Variants in MBNL1 observed in about 807,000 individuals in gnomAD.
MBNL1 encodes the protein muscleblind like splicing regulator 1.
A neutral mutation model predicts 42.2 loss-of-function variants in MBNL1; 8 were observed. The ratio of observed to expected loss-of-function variants is 0.19; its 90% CI spans 0.11 to 0.34. The LOEUF (loss-of-function observed/expected upper bound fraction) is 0.34, where lower values mean the gene tolerates loss of function less well. MBNL1 is among the 10% of genes least tolerant of loss of function. The pLI is 1.00. For missense variants in MBNL1, 309 were observed against 495.3 expected (o/e 0.62, Z 3.57); for synonymous variants, 169 against 173.9 (o/e 0.97, Z 0.22).
intron 2 of MBNL1, among the ~76,000 whole-genome samples, chr3:152,359,188 G>A (rs1343591946): frequency 1.3e-5 from 2 of 152,162 alleles, no homozygotes; most frequent in Non-Finnish European, 2.9e-5. Flanking sequence ...GTCACTAGCA[G>A]AAGAAACTAT....
chr3:152,256,236 GT>G (rs2035431108), intron 2 of MBNL1, among the ~76,000 whole-genome samples: 1 of 152,164 alleles, frequency 6.6e-6, no homozygotes. Flanking sequence ...CTGGATAAAA[GT>G]GAAAGGGGCT....
intron 2 of MBNL1, chr3:152,300,772 G>C: frequency 1.1e-5 from 2 of 178,876 alleles, no homozygotes; most frequent in Non-Finnish European, 2.2e-5. Context: ...TTGTACAGTT[G>C]CAAAAGAGAA....
At chr3:152,408,806 G>A (rs539013671) in intron 2 of MBNL1, among the ~76,000 whole-genome samples, 1 of 152,152 alleles carries the variant, frequency 6.6e-6, no homozygotes, top group South Asian at 2.1e-4. Flanking sequence ...AGACATTTTG[G>A]TTTATCAGAA....
At chr3:152,397,105 G>T (rs1331946549) in intron 2 of MBNL1, among the ~76,000 whole-genome samples, 1 of 152,086 alleles carries the variant, frequency 6.6e-6, no homozygotes, top group Admixed American at 6.6e-5. Context: ...CTGCCAAAAT[G>T]GATTGTCTAA....
intron 2 of MBNL1, among the ~76,000 whole-genome samples, chr3:152,376,643 A>G (rs2096913306): frequency 6.6e-6 from 1 of 152,200 alleles, no homozygotes; most frequent in African/African-American, 2.4e-5. Flanking sequence ...AGGAATCTAA[A>G]GAACATTTTT....
intron 6 of MBNL1, among the ~76,000 whole-genome samples, chr3:152,451,244 G>C (rs1432153796): frequency 6.6e-6 from 1 of 152,166 alleles, no homozygotes; most frequent in Non-Finnish European, 1.5e-5. Context: ...GTATAGAGTA[G>C]TTTGCTGGCA....
chr3:152,256,943 G>A (rs1464879052), intron 2 of MBNL1, among the ~76,000 whole-genome samples: 1 of 152,170 alleles, frequency 6.6e-6, no homozygotes, highest in Non-Finnish European at 1.5e-5. Context: ...ATGTGTTGTT[G>A]TAGGAGCCAG....
chr3:152,290,866 TGTTA>T (rs1469989825), intron 1 of MBNL1, among the ~76,000 whole-genome samples: 2 of 152,184 alleles, frequency 1.3e-5, no homozygotes, highest in African/African-American at 2.4e-5. Flanking sequence ...ATTTTTGTTG[TGTTA>T]GTTCTACATT....
At chr3:152,427,570 A>G (rs1056372780) in intron 3 of MBNL1, among the ~76,000 whole-genome samples, 1 of 152,096 alleles carries the variant, frequency 6.6e-6, no homozygotes, top group Admixed American at 6.5e-5. Flanking sequence ...TCTTAGAAAA[A>G]AAGAACTTTA....
intron 2 of MBNL1, among the ~76,000 whole-genome samples, chr3:152,355,086 A>T (rs2095413310): frequency 6.6e-6 from 1 of 152,052 alleles, no homozygotes; most frequent in African/African-American, 2.4e-5. Flanking sequence ...TGCTCAATAC[A>T]TTGAGTGAAG....
chr3:152,352,579 T>C (rs2095132423), intron 2 of MBNL1, among the ~76,000 whole-genome samples: 1 of 152,190 alleles, frequency 6.6e-6, no homozygotes, highest in Admixed American at 6.5e-5. Context: ...CCTGGTTTTT[T>C]TTTGCTGTTG....
chr3:152,360,036 AGTAT>A (rs901538329), intron 2 of MBNL1, among the ~76,000 whole-genome samples: 8 of 152,324 alleles, frequency 5.3e-5, no homozygotes, highest in Non-Finnish European at 5.9e-5. Flanking sequence ...ACAAGTCTTC[AGTAT>A]ATTCTTTTGG....
At chr3:152,350,936 C>T (rs2094895442) in intron 2 of MBNL1, among the ~76,000 whole-genome samples, 1 of 152,122 alleles carries the variant, frequency 6.6e-6, no homozygotes, top group Non-Finnish European at 1.5e-5. Flanking sequence ...AGTCAGTGCT[C>T]TTAGGGGAAG....
chr3:152,275,333 T>C (rs1576983756), intron 1 of MBNL1, among the ~76,000 whole-genome samples: 1 of 152,214 alleles, frequency 6.6e-6, no homozygotes, highest in East Asian at 1.9e-4. Context: ...TGTTTCTGTT[T>C]ACCAGATCTT....
chr3:152,418,614 T>TAAAA (rs35149542), intron 3 of MBNL1, among the ~76,000 whole-genome samples: 2 of 106,942 alleles, frequency 1.9e-5, no homozygotes, highest in African/African-American at 3.6e-5. Flanking sequence ...ACCCTGTCTC[T>TAAAA]AAAAAAAAAA....
chr3:152,359,940 A>G (rs1205600304), intron 2 of MBNL1, among the ~76,000 whole-genome samples: 1 of 152,208 alleles, frequency 6.6e-6, no homozygotes, highest in Non-Finnish European at 1.5e-5. Context: ...GCTATTTACA[A>G]GTGAGATTTA....
intron 2 of MBNL1, among the ~76,000 whole-genome samples, chr3:152,333,751 T>C (rs958816248): frequency 2.6e-5 from 4 of 152,252 alleles, no homozygotes; most frequent in East Asian, 3.8e-4. Context: ...ACCATTGATA[T>C]TATTTGCTGT....
intron 2 of MBNL1, among the ~76,000 whole-genome samples, chr3:152,362,612 C>T (rs2096060635): frequency 1.3e-5 from 2 of 152,098 alleles, no homozygotes; most frequent in African/African-American, 2.4e-5. Flanking sequence ...GTGTCCTGTG[C>T]ATTGTAGAAT....
In MBNL1 at chr3:152,415,007, A is replaced by G; in HGVS notation, c.241A>G (p.Ile81Val). ...CCCACATTTAAAAACGCAGTTGGAG[A>G]TAAATGGACGCAATAACTTGATTCA... Reference protein sequence around the residue: ...PPPHLKTQLEINGRNNLIQQK... With the variant: ...PPPHLKTQLEVNGRNNLIQQK... The change falls in exon 3 of 10, where the codon ATA becomes GTA. Residue 81 changes from isoleucine to valine, a missense_variant. Transcript: ENST00000324210. The G allele has an allele frequency of 2.5e-6, 4 of 1,609,100 alleles. No homozygotes were observed. The highest frequency in any genetic ancestry group is 3.4e-6 in the Non-Finnish European group (4 of 1,178,506).
Sources: allele counts gnomAD v4.1 joint callset (sites outside exome capture counted in the v4.1 genomes callset), GRCh38; gene constraint gnomAD v4.1.1; transcripts MANE v1.5; gene names NCBI Gene and HGNC (gene_info 2026-07-23, HGNC 2026-07-21).